The following MBD5 variants were observed in gnomAD, a reference collection of about 807,000 sequenced individuals.
MBD5 encodes the protein methyl-CpG-binding domain protein 5.
Under a neutral mutation model 117.3 loss-of-function variants are expected in MBD5, and 13 were observed. That is an observed-to-expected ratio of 0.11 (90% CI 0.07 to 0.18). The LOEUF is 0.18. Among genes scored for constraint, MBD5 ranks in the 10% least tolerant of loss-of-function variants. The pLI is 1.00. For synonymous variants in MBD5, 727 were observed against 766.4 expected (o/e 0.95, Z 0.85); for missense variants, 1,879 against 2,093.8 (o/e 0.90, Z 2.00).
chr2:148,221,452 C>A (rs951563667), intron 2 of MBD5, among the ~76,000 whole-genome samples: 1 of 152,070 alleles, frequency 6.6e-6, no homozygotes, highest in African/African-American at 2.4e-5. Flanking sequence ...GACTAAAAGC[C>A]GTTTTAACTG....
chr2:148,198,132 A>AT (rs796077917), intron 2 of MBD5, among the ~76,000 whole-genome samples: 16 of 152,002 alleles, frequency 1.1e-4, no homozygotes, highest in East Asian at 7.7e-4. Context: ...ATCAATACAG[A>AT]TTTTTTCTCC....
At chr2:148,451,242 T>C (rs1158546328) in intron 4 of MBD5, among the ~76,000 whole-genome samples, 1 of 151,970 alleles carries the variant, frequency 6.6e-6, no homozygotes, top group Non-Finnish European at 1.5e-5. Context: ...TTACAAAGGG[T>C]GTATCTGAGA....
intron 2 of MBD5, among the ~76,000 whole-genome samples, chr2:148,208,655 C>CT (rs57011820): frequency 0.012 from 1,607 of 138,046 alleles, 23 homozygotes; most frequent in African/African-American, 0.04. Context: ...GTTATCTGTT[C>CT]TTTTTTTTTT....
intron 3 of MBD5, among the ~76,000 whole-genome samples, chr2:148,297,275 CATT>C (rs1701677639): frequency 6.6e-6 from 1 of 152,120 alleles, no homozygotes; most frequent in East Asian, 1.9e-4. Flanking sequence ...CAATATTTGT[CATT>C]GTTGTTGGCC....
chr2:148,153,278 T>G (rs1245235040), intron 1 of MBD5, among the ~76,000 whole-genome samples: 1 of 152,078 alleles, frequency 6.6e-6, no homozygotes, highest in Non-Finnish European at 1.5e-5. Context: ...CCCACTCTCT[T>G]CTGGCTTGTA....
chr2:148,445,184 C>T (rs552552639), intron 4 of MBD5, among the ~76,000 whole-genome samples: 5 of 151,158 alleles, frequency 3.3e-5, no homozygotes, highest in South Asian at 2.1e-4. Flanking sequence ...ATGTGCACAA[C>T]GTGCAGGTTT....
intron 4 of MBD5, among the ~76,000 whole-genome samples, chr2:148,422,867 A>G (rs1705651049): frequency 6.6e-6 from 1 of 152,174 alleles, no homozygotes; most frequent in Admixed American, 6.5e-5. Context: ...AAATAAAGTG[A>G]GAGGACAAGA....
At chr2:148,219,637 A>T (rs561042311) in intron 2 of MBD5, among the ~76,000 whole-genome samples, 1 of 152,338 alleles carries the variant, frequency 6.6e-6, no homozygotes, top group South Asian at 2.1e-4. Flanking sequence ...ATTATTAGGC[A>T]TACAGAAACA....
At chr2:148,279,198 G>C (rs533101055) in intron 3 of MBD5, among the ~76,000 whole-genome samples, 6 of 152,276 alleles carry the variant, frequency 3.9e-5, no homozygotes, top group African/African-American at 1.4e-4. Flanking sequence ...TGGGAGGCAG[G>C]GTGGGAGGAT....
intron 3 of MBD5, among the ~76,000 whole-genome samples, chr2:148,275,215 C>T (rs1377697885): frequency 6.6e-6 from 1 of 151,766 alleles, no homozygotes; most frequent in African/African-American, 2.4e-5. Flanking sequence ...TTGAATAAGC[C>T]CTTTGAGTAT....
At chr2:148,084,520 T>C (rs1381115411) in intron 1 of MBD5, among the ~76,000 whole-genome samples, 4 of 152,236 alleles carry the variant, frequency 2.6e-5, no homozygotes, top group Non-Finnish European at 4.4e-5. Context: ...GTTACATTAA[T>C]CTTTCCATGG....
At chr2:148,052,190 A>G (rs191326988) in intron 1 of MBD5, among the ~76,000 whole-genome samples, 3 of 144,918 alleles carry the variant, frequency 2.1e-5, no homozygotes, top group Non-Finnish European at 3.0e-5. Context: ...TTCTTATGGT[A>G]TAAGACTGTT....
At chr2:148,462,542 C>T (rs757415693) in intron 5 of MBD5, 40 bp from the exon 6 acceptor site, 1 of 1,299,312 alleles carries the variant, frequency 7.7e-7, no homozygotes, top group Non-Finnish European at 1.1e-6. Context: ...TATGTGTAGT[C>T]AAAATTATTT....
chr2:148,059,672 C>T (rs907424240), intron 1 of MBD5, among the ~76,000 whole-genome samples: 1 of 151,316 alleles, frequency 6.6e-6, no homozygotes, highest in Non-Finnish European at 1.5e-5. Context: ...ACGGAGAAAC[C>T]CCGTCTCTAC....
intron 3 of MBD5, among the ~76,000 whole-genome samples, chr2:148,297,419 G>T (rs1701681003): frequency 6.6e-6 from 1 of 152,124 alleles, no homozygotes; most frequent in South Asian, 2.1e-4. Flanking sequence ...GATGACAGTA[G>T]CTATGACAGA....
chr2:148,426,365 C>G (rs1346883564), intron 4 of MBD5, among the ~76,000 whole-genome samples: 2 of 152,008 alleles, frequency 1.3e-5, no homozygotes, highest in African/African-American at 2.4e-5. Flanking sequence ...GCCAAAAGAA[C>G]AAAGCTGGAG....
At chr2:148,379,806 G>A (rs1302172713) in intron 4 of MBD5, among the ~76,000 whole-genome samples, 3 of 152,016 alleles carry the variant, frequency 2.0e-5, no homozygotes, top group South Asian at 2.1e-4. Flanking sequence ...AACCCACTAA[G>A]AGATTATAAT....
intron 2 of MBD5, among the ~76,000 whole-genome samples, chr2:148,195,988 G>A (rs1254177621): frequency 2.6e-5 from 4 of 152,180 alleles, no homozygotes; most frequent in Non-Finnish European, 5.9e-5. Context: ...TGGATGGGAA[G>A]TCATTAAAAT....
At chr2:148,273,987 C>T (rs1248236616) in intron 3 of MBD5, among the ~76,000 whole-genome samples, 2 of 152,084 alleles carry the variant, frequency 1.3e-5, no homozygotes, top group Non-Finnish European at 2.9e-5. Context: ...CTGCTATACC[C>T]ATCAAGTTTT....
Sources: gnomAD v4.1 joint callset for allele counts (sites outside exome capture counted in the v4.1 genomes callset) on GRCh38, gnomAD v4.1.1 for gene constraint, MANE v1.5 for transcripts, NCBI Gene and HGNC (gene_info 2026-07-23, HGNC 2026-07-21) for gene names.